MARCHF7: variants seen among roughly 807,000 people sequenced by gnomAD.
MARCHF7 encodes E3 ubiquitin-protein ligase MARCHF7.
In MARCHF7, 20 loss-of-function variants were observed where a neutral mutation model predicts 76.5. That is an observed-to-expected ratio of 0.26 (90% confidence interval 0.18 to 0.38). The LOEUF is 0.38. Among genes scored for constraint, MARCHF7 ranks in the 10% least tolerant of loss-of-function variants. The pLI is 1.00. For missense variants in MARCHF7, 797 were observed against 812.9 expected, an observed-to-expected ratio of 0.98 and a Z score of 0.24; for synonymous variants, 295 against 293.0, an observed-to-expected ratio of 1.01 and a Z score of -0.07.
Position 159,745,815 on chromosome 2 carries a change from T to C in MARCHF7, c.392T>C (p.Val131Ala). 5 of 1,612,618 alleles carry C rather than the reference T, an allele frequency of 3.1e-6. No homozygotes were observed. The South Asian group carries it at 5.5e-5, about 18-fold the overall frequency. ...CAAGTTCCTAGATCTTCATCAATGG[T>C]ACTTGGATCATTTGGAACAGACTTA... Reference protein sequence around the residue: ...HSQVPRSSSMVLGSFGTDLMR... With the variant: ...HSQVPRSSSMALGSFGTDLMR... Residue 131 changes from valine to alanine, a missense_variant, in exon 6 of 12, where the codon GTA becomes GCA. This residue lies in a region of MARCHF7 where 643 missense variants were observed against 631.5 expected (regional missense o/e 1.02). Transcript: ENST00000409175.
intron 4 of MARCHF7, among the ~76,000 whole-genome samples, chr2:159,742,822 A>C (rs545880703): frequency 9.8e-5 from 15 of 152,288 alleles, no homozygotes; most frequent in Admixed American, 9.8e-4. Context: ...CTGTAATGCC[A>C]GCTACTCAGG....
intron 4 of MARCHF7, chr2:159,733,079 T>C: frequency 1.7e-6 from 1 of 605,148 alleles, no homozygotes; most frequent in Non-Finnish European, 2.0e-6. Context: ...TTATTTATAA[T>C]TGTTAACTTT....
At chr2:159,730,793 A>G (rs1250612209) in intron 4 of MARCHF7, among the ~76,000 whole-genome samples, 1 of 152,242 alleles carries the variant, frequency 6.6e-6, no homozygotes, top group Admixed American at 6.5e-5. Flanking sequence ...AATGAGGAAC[A>G]CAAATTTTGA....
intron 3 of MARCHF7, among the ~76,000 whole-genome samples, chr2:159,722,130 C>T (rs536761507): frequency 6.6e-6 from 1 of 152,054 alleles, no homozygotes; most frequent in East Asian, 1.9e-4. Context: ...TTGCTTATAC[C>T]TTTTTCTTTT....
intron 4 of MARCHF7, among the ~76,000 whole-genome samples, chr2:159,730,595 A>G (rs1166556735): frequency 1.3e-5 from 2 of 152,208 alleles, no homozygotes; most frequent in African/African-American, 4.8e-5. Context: ...TTAAATGTCA[A>G]TTGATACTGT....
intron 10 of MARCHF7, 38 bp from the exon 11 acceptor site, chr2:159,764,588 C>T: frequency 6.7e-7 from 1 of 1,497,316 alleles, no homozygotes; most frequent in Non-Finnish European, 9.1e-7. Context: ...CCATTTGCAA[C>T]ATTTAAACTA....
chr2:159,717,764 C>CT (rs1701198970), intron 3 of MARCHF7, among the ~76,000 whole-genome samples: 1 of 151,950 alleles, frequency 6.6e-6, no homozygotes, highest in African/African-American at 2.4e-5. Context: ...TTTTTGAAAA[C>CT]TAAGTATAAA....
intron 2 of MARCHF7, among the ~76,000 whole-genome samples, 158 bp downstream of exon 2, chr2:159,714,756 T>G (rs1409136855): frequency 6.6e-6 from 1 of 152,130 alleles, no homozygotes; most frequent in Admixed American, 6.5e-5. Context: ...ACCCCATCTC[T>G]ACGGGCATGG....
At chr2:159,761,710 C>T (rs906387934) in intron 9 of MARCHF7, among the ~76,000 whole-genome samples, 2 of 152,110 alleles carry the variant, frequency 1.3e-5, no homozygotes, top group African/African-American at 4.8e-5. Flanking sequence ...CCGCACATGG[C>T]CTCAAATTTC....
chr2:159,717,236 G>C (rs1293707281), intron 3 of MARCHF7, among the ~76,000 whole-genome samples: 1 of 152,148 alleles, frequency 6.6e-6, no homozygotes, highest in African/African-American at 2.4e-5. Context: ...AAGTAAGACT[G>C]CCTCATCCTA....
chr2:159,715,564 T>TC (rs1171137422), intron 2 of MARCHF7, 117 bp from the exon 3 acceptor site: 2 of 152,186 alleles, frequency 1.3e-5, no homozygotes, highest in African/African-American at 4.8e-5. Flanking sequence ...CAGGCTGGTC[T>TC]CCAACTCCTT....
intron 5 of MARCHF7, among the ~76,000 whole-genome samples, chr2:159,744,988 T>C (rs1273751091): frequency 6.6e-6 from 1 of 152,172 alleles, no homozygotes; most frequent in Non-Finnish European, 1.5e-5. Context: ...GAATAAAAAA[T>C]CAAGCAACTG....
intron 4 of MARCHF7, among the ~76,000 whole-genome samples, chr2:159,731,261 T>C (rs1157333776): frequency 1.3e-5 from 2 of 152,194 alleles, no homozygotes; most frequent in Non-Finnish European, 1.5e-5. Context: ...TGTTAAATGA[T>C]AATAGTGCCT....
intron 4 of MARCHF7, among the ~76,000 whole-genome samples, chr2:159,736,248 A>G (rs1451101919): frequency 1.3e-5 from 2 of 152,222 alleles, no homozygotes; most frequent in African/African-American, 4.8e-5. Flanking sequence ...GTGTATGAAG[A>G]TTCCAGTCTC....
At chr2:159,761,410 T>C (rs1707073272) in intron 9 of MARCHF7, among the ~76,000 whole-genome samples, 1 of 48,528 alleles carries the variant, frequency 2.1e-5, no homozygotes, top group Non-Finnish European at 4.4e-5. Context: ...TCATTTCTTT[T>C]TTTTTTTTTT....
At position 159,714,798 on chromosome 2, in the gene MARCHF7, A is replaced by G. The variant is rs373572076; in HGVS notation, c.-101+200A>G. Among the ~76,000 whole-genome samples the G allele has an allele frequency of 1.6e-4, 25 of 152,190 alleles. No individual in the cohort carries two copies. In the East Asian group the frequency reaches 3.5e-3, roughly 21 times the overall value. On this transcript the variant is annotated intron_variant, in intron 2 of 11. Transcript: ENST00000409175. ...GGGTGTAGTGGTGCGCACTGCTACT[A>G]CTAGCTACTTGGGCTGCTGAGGCAG...
chr2:159,745,814 G>A lies in MARCHF7; in HGVS notation c.391G>A (p.Val131Ile). The A allele has an allele frequency of 6.2e-7, 1 of 1,612,442 alleles. No homozygotes were observed. Among genetic ancestry groups the A allele is most frequent in the Non-Finnish European group, 8.5e-7 (1 of 1,179,086 alleles). ...TCAAGTTCCTAGATCTTCATCAATG[G>A]TACTTGGATCATTTGGAACAGACTT... ...HSQVPRSSSM[V>I]LGSFGTDLMR... The change falls in exon 6 of 12, where the codon GTA becomes ATA. Residue 131 changes from valine to isoleucine, a missense_variant. By Grantham distance (29) the Val-to-Ile change is conservative (BLOSUM62 3). Coordinates refer to ENST00000409175, the MANE Select transcript of MARCHF7 (RefSeq NM_001282805.2).
chr2:159,735,931 C>A (rs140395550), intron 4 of MARCHF7, among the ~76,000 whole-genome samples: 1 of 152,240 alleles, frequency 6.6e-6, no homozygotes, highest in African/African-American at 2.4e-5. Context: ...AGTACAAGAC[C>A]AGCCTAGGCA....
intron 8 of MARCHF7, among the ~76,000 whole-genome samples, chr2:159,757,159 A>G (rs1352742591): frequency 6.6e-6 from 1 of 152,148 alleles, no homozygotes; most frequent in Non-Finnish European, 1.5e-5. Flanking sequence ...CAGCCTCCCA[A>G]AGTGCTGGGA....
Sources: gnomAD v4.1 joint callset for allele counts (sites outside exome capture counted in the v4.1 genomes callset) on GRCh38, gnomAD v4.1.1 for gene constraint, gnomAD v4.1.1 regional missense constraint, MANE v1.5 for transcripts, NCBI Gene and HGNC (gene_info 2026-07-23, HGNC 2026-07-21) for gene names.